Variants in HIVEP2 observed in about 807,000 individuals in gnomAD.
HIVEP2 encodes HIVEP zinc finger 2.
In HIVEP2, 14 loss-of-function variants were observed where a neutral mutation model predicts 180.7. That is an observed-to-expected ratio of 0.08 (90% CI 0.05 to 0.12). The LOEUF is 0.12. HIVEP2 is among the 10% of genes least tolerant of loss of function. The pLI, the probability that HIVEP2 is intolerant of heterozygous loss-of-function variation, is 1.00. For synonymous variants in HIVEP2, 1,184 were observed against 1,136.4 expected (o/e 1.04, Z -0.84); for missense variants, 2,579 against 3,008.5 (o/e 0.86, Z 3.34).
intron 2 of HIVEP2, among the ~76,000 whole-genome samples, chr6:142,793,456 C>T (rs1372905755): frequency 6.6e-6 from 1 of 152,162 alleles, no homozygotes; most frequent in African/African-American, 2.4e-5. Flanking sequence ...TTCTATGCCA[C>T]ATTTCTTTTC....
chr6:142,855,256 G>C (rs947125343), intron 1 of HIVEP2, among the ~76,000 whole-genome samples: 14 of 152,212 alleles, frequency 9.2e-5, no homozygotes, highest in African/African-American at 3.1e-4. Context: ...CCCCAAGCTT[G>C]ATAGGCGAAG....
intron 2 of HIVEP2, among the ~76,000 whole-genome samples, chr6:142,785,780 C>T (rs776892966): frequency 2.7e-4 from 41 of 152,138 alleles, no homozygotes; most frequent in Admixed American, 1.8e-3. Flanking sequence ...CCTTTTTACC[C>T]GGTAAGAGGA....
intron 3 of HIVEP2, 119 bp from the exon 4 acceptor site, chr6:142,776,310 C>T (rs948097809): frequency 2.0e-5 from 3 of 152,136 alleles, no homozygotes; most frequent in African/African-American, 7.3e-5. Flanking sequence ...TGCTATGTAC[C>T]CTAAAACGAA....
chr6:142,772,958 G>A lies in HIVEP2; in HGVS notation c.1781C>T (p.Ala594Val), dbSNP rs541110984. 1.2e-5 allele frequency: 20 copies of A among 1,614,128 alleles called. No homozygotes were observed. The highest frequency in any genetic ancestry group is 5.5e-5 in the South Asian group (5 of 91,074). The change falls in exon 5 of 10, where the codon GCG becomes GTG. Residue 594 changes from alanine to valine, a missense_variant. Around this residue, in one of 11 missense-constraint regions of HIVEP2, gnomAD observed 524 missense variants for 563.6 expected, o/e 0.93. Transcript: ENST00000367603. The surrounding 1 kb of genome is among the most constrained non-coding windows in gnomAD (Gnocchi z 4.9). ...CTGTACCGAAGGCAGCTCAAATGCC[G>A]CTTGTCTTCTTAGCATGCGCTGAGG... ...IPPQRMLRRQ[A>V]AFELPSVQEG...
intron 1 of HIVEP2, among the ~76,000 whole-genome samples, chr6:142,893,781 G>T (rs1776917194): frequency 6.6e-6 from 1 of 152,084 alleles, no homozygotes; most frequent in Non-Finnish European, 1.5e-5. Context: ...TTTTCGGGGG[G>T]AGGGAAGCCT....
At position 142,769,860 on chromosome 6, in the gene HIVEP2, T is replaced by A; in HGVS notation, c.4879A>T (p.Thr1627Ser). The A allele has an allele frequency of 6.2e-7, 1 of 1,613,924 alleles. No homozygotes were observed. Among genetic ancestry groups the A allele is most frequent in the South Asian group, 1.1e-5 (1 of 91,084 alleles). Residue 1627 changes from threonine (T) to serine (S), a missense_variant, in exon 5 of 10, where the codon ACG becomes TCG. Thr to Ser is a moderately conservative substitution (Grantham distance 58, BLOSUM62 1). This residue lies in a region of HIVEP2 where 349 missense variants were observed against 367.2 expected (regional missense o/e 0.95). Coordinates refer to ENST00000367603, the MANE Select transcript of HIVEP2 (RefSeq NM_006734.4). ...GNVADSTLLL[T>S]DMADFQQILQ... is the part of the protein sequence containing the mutation. Reference sequence around the variant, plus strand: ...ATCTGCTGGAAATCTGCCATGTCCGTGAGAAGAAGAGTTGAGTCTGCCACG... The same window carrying A: ...ATCTGCTGGAAATCTGCCATGTCCGAGAGAAGAAGAGTTGAGTCTGCCACG...
intron 1 of HIVEP2, among the ~76,000 whole-genome samples, chr6:142,913,084 G>A (rs552479740): frequency 4.5e-4 from 69 of 152,284 alleles, no homozygotes; most frequent in African/African-American, 1.5e-3. Context: ...GCACACAGAG[G>A]ATGGCCCCTT....
At chr6:142,868,842 A>G (rs886366485) in intron 1 of HIVEP2, among the ~76,000 whole-genome samples, 1 of 152,226 alleles carries the variant, frequency 6.6e-6, no homozygotes, top group African/African-American at 2.4e-5. Context: ...ATCCTAACCC[A>G]TGTTGTTGAA....
chr6:142,754,735 T>C (rs1186905213), intron 9 of HIVEP2, among the ~76,000 whole-genome samples: 1 of 152,248 alleles, frequency 6.6e-6, no homozygotes, highest in Non-Finnish European at 1.5e-5. Flanking sequence ...TTAATTCTTT[T>C]GTTCATATTA....
chr6:142,830,859 A>T (rs140037569), intron 2 of HIVEP2, among the ~76,000 whole-genome samples: 47 of 152,210 alleles, frequency 3.1e-4, no homozygotes, highest in African/African-American at 1.1e-3. Flanking sequence ...ATGCATGCAC[A>T]TCCACACAAG....
intron 1 of HIVEP2, among the ~76,000 whole-genome samples, chr6:142,860,802 C>G (rs1475583401): frequency 6.6e-6 from 1 of 152,152 alleles, no homozygotes; most frequent in Non-Finnish European, 1.5e-5. Flanking sequence ...GATCCGTAGC[C>G]CAGGTACTGG....
At chr6:142,827,129 G>C (rs1774925339) in intron 2 of HIVEP2, among the ~76,000 whole-genome samples, 1 of 151,964 alleles carries the variant, frequency 6.6e-6, no homozygotes, top group African/African-American at 2.4e-5. Context: ...AGGATGGTTT[G>C]ATACAATTTA....
chr6:142,759,690 A>G, intron 9 of HIVEP2, 82 bp downstream of exon 9: 1 of 1,069,968 alleles, frequency 9.3e-7, no homozygotes, highest in Non-Finnish European at 1.4e-6. Flanking sequence ...CCCATGTTCT[A>G]CTAAACTTCA....
At chr6:142,761,319 G>C in intron 8 of HIVEP2, 145 bp downstream of exon 8, 1 of 517,136 alleles carries the variant, frequency 1.9e-6, no homozygotes, top group Admixed American at 3.4e-5. Context: ...AATTCAATGT[G>C]TCAGTTTTAT....
intron 2 of HIVEP2, among the ~76,000 whole-genome samples, chr6:142,833,620 G>A (rs749649977): frequency 1.3e-5 from 2 of 152,164 alleles, no homozygotes; most frequent in Non-Finnish European, 2.9e-5. Flanking sequence ...TTAAATGCAT[G>A]AACGAATGAA....
intron 1 of HIVEP2, among the ~76,000 whole-genome samples, chr6:142,871,793 G>C (rs1026745789): frequency 1.7e-4 from 26 of 152,034 alleles, no homozygotes; most frequent in Non-Finnish European, 7.4e-5. Context: ...ACTTTATAAG[G>C]GACTCAACTA....
chr6:142,900,141 G>C (rs1024917163), intron 1 of HIVEP2, among the ~76,000 whole-genome samples: 1 of 152,156 alleles, frequency 6.6e-6, no homozygotes, highest in Non-Finnish European at 1.5e-5. Flanking sequence ...GGCTAAAGTG[G>C]AACAGAGCAA....
At chr6:142,803,169 C>G (rs934529660) in intron 2 of HIVEP2, among the ~76,000 whole-genome samples, 5 of 152,064 alleles carry the variant, frequency 3.3e-5, no homozygotes, top group African/African-American at 1.2e-4. Flanking sequence ...TAAGTTTAAA[C>G]TTCATTTGGT....
At chr6:142,762,471 C>CACAT (rs200077080) in intron 7 of HIVEP2, among the ~76,000 whole-genome samples, 2,750 of 145,444 alleles carry the variant, frequency 0.019, 33 homozygotes, top group Admixed American at 0.031. Flanking sequence ...CACACACACA[C>CACAT]ACACACACAC....
Sources: allele counts gnomAD v4.1 joint callset (sites outside exome capture counted in the v4.1 genomes callset), GRCh38; gene constraint gnomAD v4.1.1; regional missense constraint gnomAD v4.1.1; non-coding constraint Gnocchi (gnomAD v3.1); transcripts MANE v1.5; gene names NCBI Gene and HGNC (gene_info 2026-07-23, HGNC 2026-07-21).